SERPING1: variants seen among roughly 807,000 people sequenced by gnomAD.
SERPING1 encodes the protein serpin family G member 1.
SERPING1 carries 5 observed loss-of-function variants against 34.1 expected under a neutral mutation model. The observed-to-expected ratio is 0.15, with a 90% confidence interval of 0.08 to 0.31. SERPING1 has a LOEUF of 0.31. Ranked by LOEUF, SERPING1 falls within the 10% of genes least tolerant of loss-of-function variation. SERPING1 has a pLI of 1.00. For missense variants in SERPING1, 505 were observed against 609.5 expected, an observed-to-expected ratio of 0.83 and a Z score of 1.81; for synonymous variants, 225 against 242.4, an observed-to-expected ratio of 0.93 and a Z score of 0.67.
chr11:57,605,759 G>A (rs759823523), intron 4 of SERPING1: 193 of 557,304 alleles, frequency 3.5e-4, no homozygotes, highest in Admixed American at 1.1e-3. Context: ...TTATCTTGCC[G>A]AGCCATAGTC....
intron 7 of SERPING1, among the ~76,000 whole-genome samples, 174 bp from the exon 8 acceptor site, chr11:57,614,154 C>G (rs1945509478): frequency 6.6e-6 from 1 of 151,980 alleles, no homozygotes; most frequent in Non-Finnish European, 1.5e-5. Context: ...GTTGGGCCCA[C>G]TAATAGAGGA....
At position 57,598,444 on chromosome 11, in the gene SERPING1, G is replaced by T. The variant is rs900637150; in HGVS notation, c.51+123G>T. On this transcript the variant is annotated intron_variant, in intron 2 of 7. Coordinates refer to ENST00000278407, the MANE Select transcript of SERPING1 (RefSeq NM_000062.3). ...GGGGAATGAGGAGAGCTCCTCTTGG[G>T]ATCATTGAGTGTGATCCTTGCACAC... 5.3e-6 allele frequency: 5 copies of T among 947,058 alleles called. No individual in the cohort carries two copies. In the African/African-American group the frequency reaches 8.1e-5, roughly 15 times the overall value. The allele number at this position is 947,058 out of a possible 1,614,324, so 58.7% of individuals were successfully genotyped here. A position where few individuals can be genotyped will look rare whatever the true frequency, so the allele number is the denominator to read the frequency against.
chr11:57,611,661 G>A, intron 6 of SERPING1, 56 bp from the exon 7 acceptor site: 2 of 1,493,514 alleles, frequency 1.3e-6, no homozygotes, highest in Admixed American at 3.3e-5. Context: ...ACAGAGGGTG[G>A]GGCCAGGAGA....
In SERPING1 at chr11:57,603,882, T is replaced by G. The variant is rs1417377823; in HGVS notation, c.685+1713T>G. 2.9e-5 allele frequency among the ~76,000 whole-genome samples: 4 copies of G among 139,744 alleles called. No individual in the cohort carries two copies. The East Asian group carries it at 6.4e-4, about 22-fold the overall frequency. 91.7% of individuals were successfully genotyped at this position (139,744 alleles called of 152,430 possible). A position where few individuals can be genotyped will look rare whatever the true frequency, so the allele number is the denominator to read the frequency against. On this transcript the variant is annotated intron_variant, in intron 4 of 7. Transcript: ENST00000278407. ...TGGGGCGGGCGGGCCAGGCGCGGTG[T>G]CTCACACCTGTAATCCCAGCACTTT...
In SERPING1 at chr11:57,600,385, C is replaced by T. The variant is rs767026591; in HGVS notation, c.550+8C>T. On this transcript the variant is annotated splice_region_variant and intron_variant, in intron 3 of 7. Transcript: ENST00000278407. ...TTACCCAGGTCCTGCTCGGTAAGAC[C>T]CTGCTTGAATTCTCTCCAGGTCATT... The T allele has an allele frequency of 4.3e-6, 7 of 1,612,000 alleles. No individual in the cohort carries two copies. Among genetic ancestry groups the T allele is most frequent in the African/African-American group, 1.3e-5 (1 of 74,822 alleles).
Position 57,600,190 on chromosome 11 carries a change from C to T in SERPING1, c.363C>T (p.Ser121=). 2 of 1,614,010 alleles carry T rather than the reference C, an allele frequency of 1.2e-6. No homozygotes were observed. Among genetic ancestry groups the T allele is most frequent in the Non-Finnish European group, 1.7e-6 (2 of 1,179,962 alleles). ...CTCCTACCCAGCCCACTACTGGGTC[C>T]TTCTGCCCAGGACCTGTTACTCTCT... ...TDSPTQPTTG[S]FCPGPVTLCS... The change falls in exon 3 of 8, where the codon TCC becomes TCT. Residue 121 remains serine, a synonymous_variant. Coordinates refer to ENST00000278407, the MANE Select transcript of SERPING1 (RefSeq NM_000062.3).
intron 6 of SERPING1, among the ~76,000 whole-genome samples, chr11:57,610,947 T>C (rs1945470515): frequency 6.6e-6 from 1 of 152,030 alleles, no homozygotes; most frequent in Non-Finnish European, 1.5e-5. Flanking sequence ...TTTTTTTTTC[T>C]CTTTTTGAGA....
At chr11:57,611,681 T>G (rs1169136835) in intron 6 of SERPING1, 36 bp from the exon 7 acceptor site, 1 of 1,574,984 alleles carries the variant, frequency 6.3e-7, no homozygotes, top group Non-Finnish European at 8.7e-7. Context: ...AGAGATGCGG[T>G]AGGAAGACTG....
At chr11:57,613,818 A>G (rs1945506433) in intron 7 of SERPING1, among the ~76,000 whole-genome samples, 2 of 152,090 alleles carry the variant, frequency 1.3e-5, no homozygotes, top group Admixed American at 1.3e-4. Context: ...TCCAGGAGCC[A>G]GCAGGAGTAG....
chr11:57,599,291 C>T (rs1945321300), intron 2 of SERPING1, among the ~76,000 whole-genome samples: 2 of 152,282 alleles, frequency 1.3e-5, no homozygotes, highest in South Asian at 4.1e-4. Flanking sequence ...TGGACATTGC[C>T]AAATATCCCC....
At chr11:57,606,291 C>A in intron 5 of SERPING1, 78 bp downstream of exon 5, 1 of 1,597,208 alleles carries the variant, frequency 6.3e-7, no homozygotes, top group Non-Finnish European at 8.6e-7. Context: ...CACTTAACCC[C>A]AAGTTCTACA....
At chr11:57,601,066 T>A (rs1288528504) in intron 3 of SERPING1, among the ~76,000 whole-genome samples, 1 of 151,974 alleles carries the variant, frequency 6.6e-6, no homozygotes, top group African/African-American at 2.4e-5. Context: ...AGTCCTCTTG[T>A]GTAAAATAGT....
intron 7 of SERPING1, among the ~76,000 whole-genome samples, chr11:57,612,461 T>C (rs1391315776): frequency 6.8e-6 from 1 of 147,146 alleles, no homozygotes; most frequent in African/African-American, 2.5e-5. Context: ...CAGGCTGGAG[T>C]GCAGTGGTGC....
chr11:57,610,985 A>T (rs983465198), intron 6 of SERPING1, among the ~76,000 whole-genome samples: 1 of 151,658 alleles, frequency 6.6e-6, no homozygotes, highest in African/African-American at 2.4e-5. Context: ...ACCAGGCTGG[A>T]GTGCAGTGGC....
In SERPING1 at chr11:57,611,753, G is replaced by C. The variant is rs957048986; in HGVS notation, c.1066G>C (p.Val356Leu). ...GCAGCTCTCCCACAATCTGAGTTTG[G>C]TGATCCTGGTACCCCAGAACCTGAA... is the stretch of plus-strand genomic sequence containing the variant. ...QLQLSHNLSL[V>L]ILVPQNLKHR... The change falls in exon 7 of 8, where the codon GTG (valine) becomes CTG (leucine). Residue 356 changes from valine to leucine, a missense_variant. Physicochemically the swap from Val to Leu is conservative, Grantham distance 32. Coordinates refer to ENST00000278407, the MANE Select transcript of SERPING1 (RefSeq NM_000062.3). The C allele has an allele frequency of 9.9e-6, 16 of 1,614,114 alleles. No individual in the cohort carries two copies. The highest frequency in any genetic ancestry group is 1.4e-5 in the Non-Finnish European group (16 of 1,180,056).
intron 4 of SERPING1, among the ~76,000 whole-genome samples, chr11:57,603,719 G>T (rs76525968): frequency 0.22 from 31,768 of 146,872 alleles, 3,751 homozygotes; most frequent in Non-Finnish European, 0.27. Flanking sequence ...GGCGCCTGTG[G>T]TCCCAACTAC....
rs553958048 is a variant in SERPING1, at chr11:57,610,041, A to C, written c.1030-1676A>C. Among the ~76,000 whole-genome samples the C allele has an allele frequency of 1.2e-4, 18 of 152,390 alleles. No homozygotes were observed. In the South Asian group the frequency reaches 3.5e-3, roughly 30 times the overall value. ...CTTGTAAACTGAAAATTAAATTTGA[A>C]GGGTGAATTAACTTCTAGCCAACAT... On this transcript the variant is annotated intron_variant, in intron 6 of 7. Transcript: ENST00000278407.
chr11:57,603,293 C>T (rs1243459863), intron 4 of SERPING1, among the ~76,000 whole-genome samples: 1 of 151,156 alleles, frequency 6.6e-6, no homozygotes, highest in Non-Finnish European at 1.5e-5. Flanking sequence ...CCTGTAATCG[C>T]AACACTTTGG....
chr11:57,603,061 T>C (rs1015909420), intron 4 of SERPING1, among the ~76,000 whole-genome samples: 1 of 151,708 alleles, frequency 6.6e-6, no homozygotes, highest in Non-Finnish European at 1.5e-5. Context: ...GGCAAAACCC[T>C]GTCTCTATTA....
Sources: allele counts gnomAD v4.1 joint callset (sites outside exome capture counted in the v4.1 genomes callset), GRCh38; gene constraint gnomAD v4.1.1; transcripts MANE v1.5; gene names NCBI Gene and HGNC (gene_info 2026-07-23, HGNC 2026-07-21).